The following UROC1 variants were observed in gnomAD, a reference collection of about 807,000 sequenced individuals.
The protein encoded by UROC1 is urocanate hydratase.
UROC1 carries 79 observed loss-of-function variants against 89.5 expected under a neutral mutation model. The ratio of observed to expected loss-of-function variants is 0.88; its 90% confidence interval spans 0.74 to 1.06. The LOEUF (loss-of-function observed/expected upper bound fraction) is 1.06. UROC1 is among the 50% of genes least tolerant of loss of function. The pLI is 0.00. For synonymous variants in UROC1, 361 were observed against 354.8 expected (o/e 1.02, Z -0.20); for missense variants, 885 against 907.8 (o/e 0.97, Z 0.32).
chr3:126,504,109 G>A lies in UROC1; in HGVS notation c.814-26C>T, dbSNP rs77837589. ...CTGGGGCCATGAGACATGGGGCCACGAGACATGGGGCCACCCGGTTACAAA... is the reference window on the plus strand; with the variant it reads ...CTGGGGCCATGAGACATGGGGCCACAAGACATGGGGCCACCCGGTTACAAA... On this transcript the variant is annotated intron_variant, in intron 8 of 19. Transcript: ENST00000290868. 2,926 of 1,610,452 alleles carry A rather than the reference G, an allele frequency of 1.8e-3. 58 individuals carry two copies. In the African/African-American group the frequency reaches 0.034, roughly 19 times the overall value.
At chr3:126,515,469 C>G (rs76314556) in intron 1 of UROC1, among the ~76,000 whole-genome samples, 5,125 of 142,394 alleles carry the variant, frequency 0.036, 170 homozygotes, top group South Asian at 0.097. Context: ...CTACCCTCTC[C>G]CTGTCTCCCA....
chr3:126,496,241 C>A, intron 14 of UROC1, 133 bp from the exon 15 acceptor site: 2 of 767,204 alleles, frequency 2.6e-6, no homozygotes, highest in African/African-American at 1.7e-5. Flanking sequence ...AGGGAGCCCA[C>A]CCCACCCCAC....
At chr3:126,502,759 GTGT>G in intron 9 of UROC1, among the ~76,000 whole-genome samples, 1 of 31,366 alleles carries the variant, frequency 3.2e-5, no homozygotes, top group Non-Finnish European at 8.0e-5. Context: ...TGTATGTTGT[GTGT>G]GTTTGTGTGT....
intron 9 of UROC1, among the ~76,000 whole-genome samples, chr3:126,503,071 C>T (rs1935975391): frequency 6.6e-6 from 1 of 152,004 alleles, no homozygotes; most frequent in Non-Finnish European, 1.5e-5. Context: ...ACTCAGGATG[C>T]TAAACAGCCT....
rs568702379 is a variant in UROC1, at chr3:126,504,354, C to T, written c.814-271G>A. Among the ~76,000 whole-genome samples, 14 of 152,330 alleles carry T rather than the reference C, an allele frequency of 9.2e-5. No homozygotes were observed. In the East Asian group the frequency reaches 1.9e-3, roughly 21 times the overall value. ...CAAGCTAATCACAAGGACTTGTCCACGATCTCCATCCTCCCTTGCAGATAA... is the reference window on the plus strand; with the variant it reads ...CAAGCTAATCACAAGGACTTGTCCATGATCTCCATCCTCCCTTGCAGATAA... On this transcript the variant is annotated intron_variant, in intron 8 of 19. Coordinates refer to ENST00000290868, the MANE Select transcript of UROC1 (RefSeq NM_144639.3).
chr3:126,484,189 G>C (rs567043194), intron 18 of UROC1, among the ~76,000 whole-genome samples: 1 of 152,226 alleles, frequency 6.6e-6, no homozygotes, highest in East Asian at 1.9e-4. Context: ...ATATGTTCTT[G>C]GTTTCATTTG....
At chr3:126,491,480 C>T (rs974117931) in intron 16 of UROC1, among the ~76,000 whole-genome samples, 4 of 152,252 alleles carry the variant, frequency 2.6e-5, no homozygotes, top group Middle Eastern at 3.2e-3. Flanking sequence ...TAGCAGTCCC[C>T]GGGAACACCT....
At chr3:126,502,278 T>A (rs973031013) in intron 9 of UROC1, among the ~76,000 whole-genome samples, 3 of 125,828 alleles carry the variant, frequency 2.4e-5, no homozygotes, top group Non-Finnish European at 5.3e-5. Flanking sequence ...TGTGTGTTTA[T>A]GTGTTTGTGT....
chr3:126,498,716 C>G (rs145286451), intron 13 of UROC1, among the ~76,000 whole-genome samples: 1 of 152,290 alleles, frequency 6.6e-6, no homozygotes, highest in Non-Finnish European at 1.5e-5. Flanking sequence ...CACCTCTGCA[C>G]CCCACAGTGA....
intron 6 of UROC1, 131 bp from the exon 7 acceptor site, chr3:126,506,142 A>AT (rs1936055185): frequency 1.0e-6 from 1 of 994,948 alleles, no homozygotes; most frequent in Non-Finnish European, 1.6e-6. Flanking sequence ...TCTCCTTCAC[A>AT]TAAAATAGAG....
chr3:126,509,957 G>A (rs556793889), intron 2 of UROC1, among the ~76,000 whole-genome samples: 85 of 152,358 alleles, frequency 5.6e-4, no homozygotes, highest in Admixed American at 2.5e-3. Context: ...AAGCCTCTCC[G>A]TCTGGGTAAG....
intron 18 of UROC1, among the ~76,000 whole-genome samples, chr3:126,487,141 T>A (rs1278371978): frequency 6.6e-6 from 1 of 152,020 alleles, no homozygotes; most frequent in African/African-American, 2.4e-5. Flanking sequence ...GCCCTGAGGG[T>A]GTGCACTCTT....
intron 15 of UROC1, among the ~76,000 whole-genome samples, chr3:126,495,176 T>C (rs1935749140): frequency 6.6e-6 from 1 of 152,154 alleles, no homozygotes; most frequent in South Asian, 2.1e-4. Context: ...CCAGGCCACT[T>C]TCCCCCTCTA....
chr3:126,517,442 T>C lies in UROC1; in HGVS notation c.126+152A>G. Reference sequence around the variant, plus strand: ...TGCATCCAAGAGACAGAGTCCACTGTGCATTGCACCCGCACAGGCTGGAGC... The same window carrying C: ...TGCATCCAAGAGACAGAGTCCACTGCGCATTGCACCCGCACAGGCTGGAGC... On this transcript the variant is annotated intron_variant, in intron 1 of 19. Coordinates refer to ENST00000290868, the MANE Select transcript of UROC1 (RefSeq NM_144639.3). The C allele has an allele frequency of 3.4e-6, 4 of 1,177,516 alleles. No homozygotes were observed. The South Asian group carries it at 5.3e-5, about 16-fold the overall frequency. 72.9% of individuals were successfully genotyped at this position (1,177,516 alleles called of 1,614,324 possible). A position where few individuals can be genotyped will look rare whatever the true frequency, so the allele number is the denominator to read the frequency against.
chr3:126,502,034 C>T lies in UROC1; in HGVS notation c.903-754G>A, dbSNP rs1056804601. ...GCGGAAGTGTGGCAGACAGGTTGCT[C>T]GAGACAGTTCCTTAAACTGATTTTG... On this transcript the variant is annotated intron_variant, in intron 9 of 19. Coordinates refer to ENST00000290868, the MANE Select transcript of UROC1 (RefSeq NM_144639.3). 110 of 1,403,794 alleles carry T rather than the reference C, an allele frequency of 7.8e-5. No individual in the cohort carries two copies. In the Middle Eastern group the frequency reaches 2.2e-3, roughly 28 times the overall value. The allele number at this position is 1,403,794 out of a possible 1,614,324, so 87.0% of individuals were successfully genotyped here.
At chr3:126,510,933 C>G (rs531770497) in intron 1 of UROC1, 139 bp from the exon 2 acceptor site, 1 of 1,338,906 alleles carries the variant, frequency 7.5e-7, no homozygotes, top group African/African-American at 1.5e-5. Context: ...AGAGACTGTT[C>G]TCACCCCAGG....
At chr3:126,502,401 G>T (rs188829400) in intron 9 of UROC1, among the ~76,000 whole-genome samples, 5 of 151,826 alleles carry the variant, frequency 3.3e-5, no homozygotes, top group African/African-American at 1.2e-4. Flanking sequence ...TTTATGTGTT[G>T]TGTGTGCATG....
chr3:126,508,020 CA>C lies in UROC1; in HGVS notation c.486del (p.Gly163AlafsTer43), dbSNP rs1175666730. On this transcript the variant is annotated frameshift_variant, in exon 5 of 20. Coordinates refer to ENST00000290868, the MANE Select transcript of UROC1 (RefSeq NM_144639.3). LOFTEE classifies it high-confidence loss of function. ...QTLVMYSGHP[L>X]GLFPSSRSAP... ...GCACTGCGGCTGCTGGGAAAGAGGC[CA>C]AGTGGGTGCCCACTGTACATGACCA... 1 of 1,614,030 alleles carries C rather than the reference CA, an allele frequency of 6.2e-7. No individual in the cohort carries two copies. Among genetic ancestry groups the C allele is most frequent in the South Asian group, 1.1e-5 (1 of 91,082 alleles).
In UROC1 at chr3:126,498,190, T is replaced by C; in HGVS notation, c.1317-18A>G. The C allele has an allele frequency of 6.2e-7, 1 of 1,614,012 alleles. No homozygotes were observed. The highest frequency in any genetic ancestry group is 8.5e-7 in the Non-Finnish European group (1 of 1,180,002). ...ATATGTCCCTGCAAGCACAGATGCCTCCTCACCCTGGGCCCGCTGGCTTGT... is the reference window on the plus strand; with the variant it reads ...ATATGTCCCTGCAAGCACAGATGCCCCCTCACCCTGGGCCCGCTGGCTTGT... On this transcript the variant is annotated intron_variant, in intron 13 of 19. Transcript: ENST00000290868.
Sources: allele counts gnomAD v4.1 joint callset (sites outside exome capture counted in the v4.1 genomes callset), GRCh38; gene constraint gnomAD v4.1.1; transcripts MANE v1.5; gene names NCBI Gene and HGNC (gene_info 2026-07-23, HGNC 2026-07-21).